PDE4B: variants seen among roughly 807,000 people sequenced by gnomAD.
The protein encoded by PDE4B is 3',5'-cyclic-AMP phosphodiesterase 4B.
A neutral mutation model predicts 82.2 loss-of-function variants in PDE4B; 20 were observed. The observed-to-expected ratio is 0.24, with a 90% confidence interval of 0.17 to 0.35. The LOEUF is 0.35. Ranked by LOEUF, PDE4B falls within the 10% of genes least tolerant of loss-of-function variation. PDE4B has a pLI of 1.00. For missense variants in PDE4B, 655 were observed against 907.2 expected, an observed-to-expected ratio of 0.72 and a Z score of 3.57; for synonymous variants, 320 against 318.9, an observed-to-expected ratio of 1.00 and a Z score of -0.04.
intron 3 of PDE4B, among the ~76,000 whole-genome samples, chr1:66,104,267 C>T (rs1018371102): frequency 1.5e-4 from 23 of 152,110 alleles, no homozygotes; most frequent in Middle Eastern, 6.8e-3. Context: ...AGGACATGAA[C>T]TCAACCTTTT....
chr1:66,248,098 AT>A (rs1186810785), intron 4 of PDE4B, among the ~76,000 whole-genome samples: 1 of 152,170 alleles, frequency 6.6e-6, no homozygotes, highest in African/African-American at 2.4e-5. Flanking sequence ...CTTTAATAAG[AT>A]GTCATTCAGA....
At chr1:65,819,509 T>TG (rs1233369455) in intron 1 of PDE4B, among the ~76,000 whole-genome samples, 53 of 151,258 alleles carry the variant, frequency 3.5e-4, no homozygotes, top group African/African-American at 1.1e-3. Flanking sequence ...GTTTTGTTTT[T>TG]TTTTTTTTTT....
chr1:66,262,388 A>G (rs921173251), intron 6 of PDE4B, among the ~76,000 whole-genome samples: 4 of 151,360 alleles, frequency 2.6e-5, no homozygotes, highest in African/African-American at 9.8e-5. Flanking sequence ...GAATTGCCCA[A>G]GGGCTATACA....
intron 7 of PDE4B, among the ~76,000 whole-genome samples, chr1:66,291,101 G>A (rs719751): frequency 0.016 from 2,488 of 152,162 alleles, 34 homozygotes; most frequent in African/African-American, 0.043. Flanking sequence ...AAAGCTTTAG[G>A]TTGACAACAA....
chr1:65,823,396 TAAAAAAA>T (rs35854326), intron 1 of PDE4B, among the ~76,000 whole-genome samples: 1 of 70,420 alleles, frequency 1.4e-5, no homozygotes, highest in Non-Finnish European at 2.7e-5. Context: ...ACTCCATCTC[TAAAAAAA>T]AAAAAAAAAA....
rs1435118718 is a variant in PDE4B, at chr1:66,009,615, C to T, written c.281+90780C>T. ...CCCAGCCACACTGCTGCACTTGGTT[C>T]TCAGGCTAAGCAGGATTTCTTATCA... On this transcript the variant is annotated intron_variant, in intron 3 of 16. Coordinates refer to ENST00000341517, the MANE Select transcript of PDE4B (RefSeq NM_002600.4). Among the ~76,000 whole-genome samples the T allele has an allele frequency of 6.6e-5, 10 of 152,136 alleles. No individual in the cohort carries two copies. In the East Asian group the frequency reaches 1.7e-3, roughly 26 times the overall value.
At chr1:65,993,111 C>G (rs1478772935) in intron 3 of PDE4B, 19 of 1,613,696 alleles carry the variant, frequency 1.2e-5, no homozygotes, top group Non-Finnish European at 1.5e-5. Context: ...AAGCATTCGG[C>G]AGCGTCGTCG....
chr1:65,879,091 C>T (rs1646681591), intron 1 of PDE4B, among the ~76,000 whole-genome samples: 1 of 152,082 alleles, frequency 6.6e-6, no homozygotes, highest in African/African-American at 2.4e-5. Flanking sequence ...ACCCTGGTTT[C>T]TTCCCTCCTT....
intron 3 of PDE4B, among the ~76,000 whole-genome samples, chr1:65,924,077 A>ATTTTTTTTTTTTTTTTT (rs71058436): frequency 0.052 from 2,130 of 40,710 alleles, 876 homozygotes; most frequent in Non-Finnish European, 0.071. Context: ...CAGTTTGCTA[A>ATTTTTTTTTTTTTTTTT]TTTTTTTTTT....
intron 8 of PDE4B, among the ~76,000 whole-genome samples, chr1:66,334,025 A>G (rs1467646745): frequency 6.6e-6 from 1 of 152,202 alleles, no homozygotes; most frequent in Non-Finnish European, 1.5e-5. Flanking sequence ...TTTGCTGTGT[A>G]ACTTCTCCAA....
At chr1:65,813,702 G>C (rs1381481522) in intron 1 of PDE4B, among the ~76,000 whole-genome samples, 1 of 152,112 alleles carries the variant, frequency 6.6e-6, no homozygotes, top group Non-Finnish European at 1.5e-5. Context: ...TGGCAAATGG[G>C]TAGAAATTAT....
chr1:66,288,338 A>T (rs1656832566), intron 7 of PDE4B, among the ~76,000 whole-genome samples: 1 of 152,092 alleles, frequency 6.6e-6, no homozygotes, highest in African/African-American at 2.4e-5. Flanking sequence ...TGATTCAGTC[A>T]CTTTCAACCA....
intron 3 of PDE4B, among the ~76,000 whole-genome samples, chr1:66,202,175 C>A (rs539110520): frequency 8.4e-4 from 127 of 152,050 alleles, no homozygotes; most frequent in African/African-American, 2.9e-3. Flanking sequence ...GTTTCTTAAT[C>A]CTGAGTTCTA....
At chr1:65,913,122 A>G (rs1647115882) in intron 1 of PDE4B, 123 bp from the exon 2 acceptor site, 1 of 455,548 alleles carries the variant, frequency 2.2e-6, no homozygotes, top group East Asian at 3.4e-5. Context: ...GGCTTGGGAA[A>G]TTATGATGTT....
intron 3 of PDE4B, among the ~76,000 whole-genome samples, chr1:66,053,309 T>G (rs570813168): frequency 7.2e-4 from 110 of 152,356 alleles, no homozygotes; most frequent in African/African-American, 2.6e-3. Flanking sequence ...AGCCTCAATC[T>G]ATGAAGTAAA....
intron 3 of PDE4B, among the ~76,000 whole-genome samples, chr1:66,164,755 C>CT (rs145224852): frequency 0.014 from 1,215 of 87,870 alleles, 22 homozygotes; most frequent in African/African-American, 0.03. Context: ...CTTTTCTTTT[C>CT]TTTTTTTTTT....
intron 3 of PDE4B, among the ~76,000 whole-genome samples, chr1:66,200,277 C>T (rs899754777): frequency 2.0e-5 from 3 of 152,186 alleles, no homozygotes; most frequent in South Asian, 2.1e-4. Context: ...AGTCAGGTAG[C>T]GTGATGCCTC....
At chr1:66,164,000 T>C (rs1053808521) in intron 3 of PDE4B, among the ~76,000 whole-genome samples, 1 of 152,204 alleles carries the variant, frequency 6.6e-6, no homozygotes, top group Non-Finnish European at 1.5e-5. Flanking sequence ...TAAAAACAAG[T>C]CTTGTGGTGC....
chr1:66,237,984 T>C (rs950125548), intron 3 of PDE4B, among the ~76,000 whole-genome samples: 1 of 152,032 alleles, frequency 6.6e-6, no homozygotes, highest in African/African-American at 2.4e-5. Context: ...CAAATAAATA[T>C]AGCAAAAAGC....
Sources: allele counts gnomAD v4.1 joint callset (sites outside exome capture counted in the v4.1 genomes callset), GRCh38; gene constraint gnomAD v4.1.1; transcripts MANE v1.5; gene names NCBI Gene and HGNC (gene_info 2026-07-23, HGNC 2026-07-21).